Variants in PLCL1 observed in about 807,000 individuals in gnomAD.
PLCL1 encodes the protein phospholipase C like 1 (inactive).
A neutral mutation model predicts 84.4 loss-of-function variants in PLCL1; 41 were observed. The observed-to-expected ratio is 0.49, with a 90% confidence interval of 0.38 to 0.63. PLCL1 has a LOEUF of 0.63. Among genes scored for constraint, PLCL1 ranks in the 30% least tolerant of loss-of-function variants. The pLI is 0.00. For missense variants in PLCL1, 1,206 were observed against 1,367.8 expected, an observed-to-expected ratio of 0.88 and a Z score of 1.87; for synonymous variants, 490 against 488.3, an observed-to-expected ratio of 1.00 and a Z score of -0.05.
intron 4 of PLCL1, among the ~76,000 whole-genome samples, chr2:198,103,567 T>C (rs1693396479): frequency 6.6e-6 from 1 of 152,044 alleles, no homozygotes; most frequent in Admixed American, 6.6e-5. Flanking sequence ...GAATTTACTT[T>C]TTTCCTTCTC....
chr2:198,064,263 G>A (rs1363163757), intron 1 of PLCL1, among the ~76,000 whole-genome samples: 1 of 152,080 alleles, frequency 6.6e-6, no homozygotes, highest in Non-Finnish European at 1.5e-5. Flanking sequence ...TTATATCCTA[G>A]TTTGTTTACC....
chr2:197,958,708 T>A (rs1689541764), intron 1 of PLCL1, among the ~76,000 whole-genome samples: 1 of 152,058 alleles, frequency 6.6e-6, no homozygotes, highest in Non-Finnish European at 1.5e-5. Context: ...TACTATTTAT[T>A]ACATGCCAAC....
chr2:197,901,726 AT>A (rs1688272769), intron 1 of PLCL1, among the ~76,000 whole-genome samples: 1 of 152,176 alleles, frequency 6.6e-6, no homozygotes, highest in Admixed American at 6.5e-5. Flanking sequence ...AGCTCATTAG[AT>A]TTGGGAGCAA....
At chr2:198,128,049 G>A (rs1307271622) in intron 5 of PLCL1, among the ~76,000 whole-genome samples, 1 of 152,184 alleles carries the variant, frequency 6.6e-6, no homozygotes, top group Non-Finnish European at 1.5e-5. Context: ...ACAACGATCA[G>A]TACTAGAAGT....
intron 1 of PLCL1, among the ~76,000 whole-genome samples, chr2:198,077,115 C>T (rs542998277): frequency 6.6e-6 from 1 of 152,278 alleles, no homozygotes; most frequent in African/African-American, 2.4e-5. Flanking sequence ...CACTTTATCT[C>T]ACTTAGTATA....
At chr2:197,897,103 T>A (rs553588260) in intron 1 of PLCL1, among the ~76,000 whole-genome samples, 3 of 37,846 alleles carry the variant, frequency 7.9e-5, no homozygotes, top group South Asian at 2.1e-3. Flanking sequence ...TGACTCCTTC[T>A]TCTTCTTCTT....
intron 1 of PLCL1, among the ~76,000 whole-genome samples, chr2:197,948,345 A>T (rs1689322488): frequency 6.6e-6 from 1 of 152,208 alleles, no homozygotes; most frequent in Admixed American, 6.5e-5. Context: ...TTTTTGGAAC[A>T]GTTAAGAACC....
intron 1 of PLCL1, among the ~76,000 whole-genome samples, chr2:197,908,861 T>C (rs1004428124): frequency 2.1e-4 from 32 of 150,918 alleles, no homozygotes; most frequent in African/African-American, 7.5e-4. Context: ...AAAAATACTT[T>C]ATATTTTGTT....
At chr2:197,964,039 T>C (rs995695888) in intron 1 of PLCL1, among the ~76,000 whole-genome samples, 1 of 152,110 alleles carries the variant, frequency 6.6e-6, no homozygotes, top group African/African-American at 2.4e-5. Flanking sequence ...ATAATGTAAT[T>C]TGTCTAGTTT....
At position 198,103,709 on chromosome 2, in the gene PLCL1, T is replaced by C. The variant is rs1574314628; in HGVS notation, c.2996-118T>C. The C allele has an allele frequency of 2.0e-5, 11 of 561,304 alleles. No homozygotes were observed. In the South Asian group the frequency reaches 2.4e-4, roughly 12 times the overall value. 34.8% of individuals were successfully genotyped at this position (561,304 alleles called of 1,614,324 possible). On this transcript the variant is annotated intron_variant, in intron 4 of 5. Transcript: ENST00000428675. ...GAAAAGGATAATTCAATTTAGGGAT[T>C]TGGAAATTATGAGAAGACAGGAATG... is the stretch of plus-strand genomic sequence containing the variant.
chr2:197,927,594 A>C (rs1688854658), intron 1 of PLCL1, among the ~76,000 whole-genome samples: 1 of 152,228 alleles, frequency 6.6e-6, no homozygotes, highest in African/African-American at 2.4e-5. Flanking sequence ...GTATTACATA[A>C]GCCAACTCAC....
intron 1 of PLCL1, among the ~76,000 whole-genome samples, chr2:197,833,785 T>G (rs1274759561): frequency 1.3e-5 from 2 of 152,190 alleles, no homozygotes; most frequent in African/African-American, 2.4e-5. Context: ...AAGTTACCAT[T>G]GACTTTCTTC....
At chr2:198,024,164 A>AC (rs1024294068) in intron 1 of PLCL1, among the ~76,000 whole-genome samples, 1 of 152,136 alleles carries the variant, frequency 6.6e-6, no homozygotes, top group Non-Finnish European at 1.5e-5. Flanking sequence ...AACAAACACC[A>AC]CATGTTCTCA....
chr2:197,833,208 C>T (rs1234447362), intron 1 of PLCL1, among the ~76,000 whole-genome samples: 2 of 152,188 alleles, frequency 1.3e-5, no homozygotes, highest in Non-Finnish European at 2.9e-5. Context: ...CTATTTATGA[C>T]AAACCCATAG....
At chr2:197,820,959 A>G (rs1319574402) in intron 1 of PLCL1, among the ~76,000 whole-genome samples, 3 of 152,126 alleles carry the variant, frequency 2.0e-5, no homozygotes, top group East Asian at 1.9e-4. Context: ...AATGGTTTCA[A>G]TTTTGATATT....
At position 198,052,682 on chromosome 2, in the gene PLCL1, T is replaced by C. The variant is rs374493134; in HGVS notation, c.241-31076T>C. Among the ~76,000 whole-genome samples the C allele has an allele frequency of 4.6e-5, 7 of 152,348 alleles. No individual in the cohort carries two copies. In the East Asian group the frequency reaches 1.2e-3, roughly 25 times the overall value. On this transcript the variant is annotated intron_variant, in intron 1 of 5. Transcript: ENST00000428675. ...AAGCAATGAGTAAAAATAAGGAATG[T>C]CATTTTGAAATGTGGGGCCTTTTCT...
intron 1 of PLCL1, among the ~76,000 whole-genome samples, chr2:197,825,774 G>A (rs1461817903): frequency 1.3e-5 from 2 of 152,194 alleles, no homozygotes; most frequent in African/African-American, 4.8e-5. Context: ...CTTTCTAACT[G>A]TGTGATCATA....
At chr2:197,872,402 G>A (rs750111948) in intron 1 of PLCL1, among the ~76,000 whole-genome samples, 7 of 151,998 alleles carry the variant, frequency 4.6e-5, no homozygotes, top group Non-Finnish European at 7.4e-5. Context: ...TTTGTAATCC[G>A]TCTGTTTTCC....
chr2:198,087,018 A>G (rs958130185), intron 2 of PLCL1, among the ~76,000 whole-genome samples: 7 of 152,210 alleles, frequency 4.6e-5, no homozygotes, highest in Admixed American at 4.6e-4. Context: ...AATGACAACA[A>G]TAATAAATTA....
Sources: gnomAD v4.1 joint callset for allele counts (sites outside exome capture counted in the v4.1 genomes callset) on GRCh38, gnomAD v4.1.1 for gene constraint, MANE v1.5 for transcripts, NCBI Gene and HGNC (gene_info 2026-07-23, HGNC 2026-07-21) for gene names.